The following NALF1 variants were observed in gnomAD, a reference collection of about 807,000 sequenced individuals.
NALF1 encodes the protein family with sequence similarity 155 member A.
Under a neutral mutation model 48.4 loss-of-function variants are expected in NALF1, and 3 were observed. The ratio of observed to expected loss-of-function variants is 0.06; its 90% CI spans 0.03 to 0.16. NALF1 has a LOEUF of 0.16. NALF1 is among the 10% of genes least tolerant of loss of function. NALF1 has a pLI of 1.00. For synonymous variants in NALF1, 262 were observed against 245.7 expected (o/e 1.07, Z -0.62); for missense variants, 526 against 571.5 (o/e 0.92, Z 0.81).
At position 107,191,371 on chromosome 13, in the gene NALF1, C is replaced by T. The variant is rs570602889; in HGVS notation, c.1087+19213G>A. Among the ~76,000 whole-genome samples, 10 of 152,046 alleles carry T rather than the reference C, an allele frequency of 6.6e-5. No homozygotes were observed. The South Asian group carries it at 1.5e-3, about 22-fold the overall frequency. ...CAGTTGCAACTCTTACTTGAAAGACCTAGAAAATATTTATAATAAGAAAAG... is the reference window on the plus strand; with the variant it reads ...CAGTTGCAACTCTTACTTGAAAGACTTAGAAAATATTTATAATAAGAAAAG... On this transcript the variant is annotated intron_variant, in intron 2 of 2. Coordinates refer to ENST00000375915, the MANE Select transcript of NALF1 (RefSeq NM_001080396.3).
At chr13:107,274,796 G>C (rs1413260914) in intron 1 of NALF1, among the ~76,000 whole-genome samples, 1 of 152,130 alleles carries the variant, frequency 6.6e-6, no homozygotes, top group Non-Finnish European at 1.5e-5. Flanking sequence ...GGGTATGTAA[G>C]AGAATACTGA....
chr13:107,741,407 T>C (rs1876629095), intron 1 of NALF1, among the ~76,000 whole-genome samples: 1 of 152,232 alleles, frequency 6.6e-6, no homozygotes, highest in Admixed American at 6.5e-5. Context: ...AGTGAAGATA[T>C]ATAAAGGATA....
At chr13:107,449,576 G>A (rs1018130338) in intron 1 of NALF1, among the ~76,000 whole-genome samples, 4 of 152,212 alleles carry the variant, frequency 2.6e-5, no homozygotes, top group African/African-American at 4.8e-5. Flanking sequence ...AAGCGGATAT[G>A]TAGAAGTCGG....
intron 1 of NALF1, among the ~76,000 whole-genome samples, chr13:107,392,343 T>C (rs968208677): frequency 1.8e-4 from 28 of 152,214 alleles, no homozygotes; most frequent in African/African-American, 6.3e-4. Flanking sequence ...CCTTGCTCAG[T>C]CCCAGGAAAC....
intron 1 of NALF1, among the ~76,000 whole-genome samples, chr13:107,232,363 T>A (rs950697824): frequency 6.6e-6 from 1 of 152,122 alleles, no homozygotes; most frequent in Non-Finnish European, 1.5e-5. Flanking sequence ...CTAGAAATCA[T>A]CTTGGAGGTT....
At chr13:107,689,048 G>A (rs566659345) in intron 1 of NALF1, among the ~76,000 whole-genome samples, 7 of 152,218 alleles carry the variant, frequency 4.6e-5, no homozygotes, top group Non-Finnish European at 1.0e-4. Context: ...CTCTGTCATG[G>A]ACTGGACAGG....
chr13:107,256,787 T>C (rs1465618055), intron 1 of NALF1, among the ~76,000 whole-genome samples: 1 of 152,302 alleles, frequency 6.6e-6, no homozygotes, highest in East Asian at 1.9e-4. Flanking sequence ...AAAGCATCCA[T>C]GAAAATCAAT....
At chr13:107,359,186 C>T (rs1347554985) in intron 1 of NALF1, among the ~76,000 whole-genome samples, 1 of 151,920 alleles carries the variant, frequency 6.6e-6, no homozygotes, top group Non-Finnish European at 1.5e-5. Flanking sequence ...ATCCTTTTTT[C>T]TCAGTTCTGT....
intron 1 of NALF1, among the ~76,000 whole-genome samples, chr13:107,791,814 G>C (rs890417217): frequency 5.3e-5 from 8 of 151,028 alleles, no homozygotes; most frequent in African/African-American, 1.9e-4. Context: ...ACAAAAATTA[G>C]CCAAGAGTGG....
At chr13:107,367,576 A>G (rs2138961050) in intron 1 of NALF1, among the ~76,000 whole-genome samples, 1 of 152,338 alleles carries the variant, frequency 6.6e-6, no homozygotes, top group Non-Finnish European at 1.5e-5. Flanking sequence ...TGGAAGCAGG[A>G]CACACACAAG....
chr13:107,354,339 G>A (rs532941572), intron 1 of NALF1, among the ~76,000 whole-genome samples: 1 of 152,050 alleles, frequency 6.6e-6, no homozygotes, highest in South Asian at 2.1e-4. Flanking sequence ...AGGAGGAAAG[G>A]GTAAAGAATC....
At chr13:107,582,041 T>G (rs1417819665) in intron 1 of NALF1, among the ~76,000 whole-genome samples, 1 of 152,176 alleles carries the variant, frequency 6.6e-6, no homozygotes, top group Non-Finnish European at 1.5e-5. Flanking sequence ...ACATTCTTGT[T>G]GAACTCTCCA....
intron 1 of NALF1, among the ~76,000 whole-genome samples, chr13:107,376,217 T>G (rs918333263): frequency 1.3e-5 from 2 of 152,182 alleles, no homozygotes; most frequent in Non-Finnish European, 1.5e-5. Context: ...ACCCTTCAAG[T>G]GACTGCAGTC....
intron 1 of NALF1, among the ~76,000 whole-genome samples, chr13:107,449,231 G>A (rs1166860117): frequency 2.6e-5 from 4 of 152,046 alleles, no homozygotes; most frequent in Admixed American, 6.6e-5. Flanking sequence ...GCAACAGGGT[G>A]AGACTCTGTC....
At chr13:107,318,903 G>A (rs753122699) in intron 1 of NALF1, among the ~76,000 whole-genome samples, 3 of 152,090 alleles carry the variant, frequency 2.0e-5, no homozygotes, top group African/African-American at 4.8e-5. Context: ...AATGCATACA[G>A]TATAATTGCT....
intron 1 of NALF1, among the ~76,000 whole-genome samples, chr13:107,222,926 G>C (rs765588619): frequency 6.6e-6 from 1 of 152,136 alleles, no homozygotes. Flanking sequence ...ACACATTCCT[G>C]TTCTATTTAG....
intron 1 of NALF1, among the ~76,000 whole-genome samples, chr13:107,793,242 T>C (rs1295086597): frequency 1.3e-5 from 2 of 152,188 alleles, no homozygotes; most frequent in African/African-American, 2.4e-5. Context: ...GATTTTTTCA[T>C]ACGCTCCATA....
chr13:107,183,937 G>T (rs927746972), intron 2 of NALF1, among the ~76,000 whole-genome samples: 1 of 151,334 alleles, frequency 6.6e-6, no homozygotes, highest in Non-Finnish European at 1.5e-5. Context: ...CCACTGTCTG[G>T]TTTCAACACC....
rs57041785 is a variant in NALF1, at chr13:107,341,880, AACACAC to A, written c.916-131131_916-131126del. 5.7e-4 allele frequency among the ~76,000 whole-genome samples: 83 copies of A among 146,796 alleles called. 1 individual carries two copies. The Middle Eastern group carries it at 0.014, about 25-fold the overall frequency. The stretch of plus-strand genomic sequence containing the variant: ...CAGATAAACTATATTTGCACATGCA[AACACAC>A]ACACACACACACACACACACACACT... On this transcript the variant is annotated intron_variant, in intron 1 of 2. Transcript: ENST00000375915.
Sources: allele counts gnomAD v4.1 joint callset (sites outside exome capture counted in the v4.1 genomes callset), GRCh38; gene constraint gnomAD v4.1.1; transcripts MANE v1.5; gene names NCBI Gene and HGNC (gene_info 2026-07-23, HGNC 2026-07-21).